ZNF750: variants seen among roughly 807,000 people sequenced by gnomAD.
ZNF750 encodes zinc finger protein 750, also known as protein ZNF750.
In ZNF750, 10 loss-of-function variants were observed where a neutral mutation model predicts 31.6. That is an observed-to-expected ratio of 0.32 (90% CI 0.19 to 0.54). ZNF750 has a LOEUF of 0.54. Ranked by LOEUF, ZNF750 falls within the 20% of genes least tolerant of loss-of-function variation. ZNF750 has a pLI of 0.95. For missense variants in ZNF750, 914 were observed against 934.9 expected (o/e 0.98, Z 0.29); for synonymous variants, 400 against 404.9 (o/e 0.99, Z 0.15).
At position 82,831,135 on chromosome 17, in the gene ZNF750, G is replaced by T. The variant is rs766092113; in HGVS notation, c.1320C>A (p.Ser440Arg). The change falls in exon 2 of 3, where the codon AGC becomes AGA. Residue 440 changes from serine to arginine, a missense_variant. Around this residue, in one of 2 missense-constraint regions of ZNF750, gnomAD observed 880 missense variants for 868.9 expected, o/e 1.01. Transcript: ENST00000269394. This position sits in a 1 kb window ranked among gnomAD's most constrained non-coding sequence, Gnocchi z 4.6. ...CTGGCGGGTAGAGTCTTCCCAGTGCGCTGGAGGCTGCCTTGTTGGAGAGGT... is the reference window on the plus strand; with the variant it reads ...CTGGCGGGTAGAGTCTTCCCAGTGCTCTGGAGGCTGCCTTGTTGGAGAGGT... ...LYDLSNKAAS[S>R]ALGRLYPPEQ... The T allele has an allele frequency of 3.1e-6, 5 of 1,614,024 alleles. No homozygotes were observed. The African/African-American group carries it at 6.7e-5, about 22-fold the overall frequency.
In ZNF750 at chr17:82,832,068, C is replaced by T; in HGVS notation, c.387G>A (p.Lys129=). The T allele has an allele frequency of 6.2e-7, 1 of 1,614,034 alleles. No homozygotes were observed. The highest frequency in any genetic ancestry group is 8.5e-7 in the Non-Finnish European group (1 of 1,179,912). The change falls in exon 2 of 3, where the codon AAG becomes AAA. Residue 129 remains lysine, a synonymous_variant. Transcript: ENST00000269394. This position sits in a 1 kb window ranked among gnomAD's most constrained non-coding sequence, Gnocchi z 4.9. The stretch of plus-strand genomic sequence containing the variant: ...AGGGTGATGCCCTGTGGAGGGCTGG[C>T]TTCTGTCCCAGGCACCTGTGGGTTC... The part of the protein sequence containing the change: ...ARGTHRCLGQ[K]PALHRASPCK...
rs997065246 is a variant in ZNF750, at chr17:82,835,635, G to A, written c.-182-2999C>T. ...AGATGGGGTTTCACTATGTTGGCCC[G>A]GCTGGTCTTGAACTCCTGACCTCAG... On this transcript the variant is annotated intron_variant, in intron 1 of 2. Coordinates refer to ENST00000269394, the MANE Select transcript of ZNF750 (RefSeq NM_024702.3). This position sits in a 1 kb window ranked among gnomAD's most constrained non-coding sequence, Gnocchi z 4.5. Among the ~76,000 whole-genome samples, 1 of 151,902 alleles carries A rather than the reference G, an allele frequency of 6.6e-6. No homozygotes were observed. The highest frequency in any genetic ancestry group is 1.5e-5 in the Non-Finnish European group (1 of 68,002).
chr17:82,831,180 C>T lies in ZNF750; in HGVS notation c.1275G>A (p.Gln425=), dbSNP rs2053476514. ...PSPTDFMQTS[Q]TCEGLYDLSN... The stretch of plus-strand genomic sequence containing the variant: ...AGAGGTCGTACAGGCCTTCGCAGGT[C>T]TGGCTCGTCTGCATGAAGTCGGTGG... The change falls in exon 2 of 3, where the codon CAG becomes CAA. Residue 425 remains glutamine (Q), a synonymous_variant. Coordinates refer to ENST00000269394, the MANE Select transcript of ZNF750 (RefSeq NM_024702.3). The surrounding 1 kb of genome is among the most constrained non-coding windows in gnomAD (Gnocchi z 4.6). 6.2e-7 allele frequency: 1 copy of T among 1,614,038 alleles called. No individual in the cohort carries two copies. Among genetic ancestry groups the T allele is most frequent in the African/African-American group, 1.3e-5 (1 of 74,934 alleles).
chr17:82,836,230 T>C (rs114826858), intron 1 of ZNF750, among the ~76,000 whole-genome samples: 4,404 of 152,344 alleles, frequency 0.029, 234 homozygotes, highest in African/African-American at 0.099. Flanking sequence ...AGCCAAACGC[T>C]GGGCCAGCCA....
rs1357507155 is a variant in ZNF750 at position 82,835,961 on chromosome 17, AC to A, written c.-182-3326del. ...ACAACCAGGGAGGGTGTCGGGTGAC[AC>A]CCTGGGCTCAGACCCCGCGCTCAGC... On this transcript the variant is annotated intron_variant, in intron 1 of 2. Coordinates refer to ENST00000269394, the MANE Select transcript of ZNF750 (RefSeq NM_024702.3). This position sits in a 1 kb window ranked among gnomAD's most constrained non-coding sequence, Gnocchi z 4.5. Among the ~76,000 whole-genome samples the A allele has an allele frequency of 6.6e-6, 1 of 152,100 alleles. No homozygotes were observed. Among genetic ancestry groups the A allele is most frequent in the Non-Finnish European group, 1.5e-5 (1 of 68,010 alleles).
In ZNF750 at chr17:82,832,308, A is replaced by G; in HGVS notation, c.147T>C (p.Cys49=). ...HLFNHMKYGL[C]KNSITLVSEQ... ...CTGATACTAAAGTAATCGAGTTTTT[A>G]CAAAGACCATACTTCATGTGATTAA... Residue 49 remains cysteine, a synonymous_variant, in exon 2 of 3, where the codon TGT becomes TGC. Transcript: ENST00000269394. The surrounding 1 kb of genome is among the most constrained non-coding windows in gnomAD (Gnocchi z 4.9). 2 of 1,614,250 alleles carry G rather than the reference A, an allele frequency of 1.2e-6. No homozygotes were observed. The highest frequency in any genetic ancestry group is 8.5e-7 in the Non-Finnish European group (1 of 1,180,050).
chr17:82,830,538 A>G lies in ZNF750; in HGVS notation c.1776T>C (p.Asp592=), dbSNP rs141258162. Residue 592 remains aspartate (D), a synonymous_variant, in exon 3 of 3, where the codon GAT becomes GAC. Transcript: ENST00000269394. ...PQKTGTEGSE[D]GPSHPETKPG... ...GCTTGGTCTCAGGGTGGCTGGGCCCATCCTCAGAACCTTCTGTCCCAGTCT... is the reference window on the plus strand; with the variant it reads ...GCTTGGTCTCAGGGTGGCTGGGCCCGTCCTCAGAACCTTCTGTCCCAGTCT... 1.7e-5 allele frequency: 27 copies of G among 1,613,972 alleles called. No homozygotes were observed. The highest frequency in any genetic ancestry group is 1.0e-4 in the Admixed American group (6 of 60,008).
chr17:82,834,676 A>G (rs1442084073), intron 1 of ZNF750, among the ~76,000 whole-genome samples: 1 of 147,010 alleles, frequency 6.8e-6, no homozygotes, highest in South Asian at 2.3e-4. Flanking sequence ...GTGAAAACAC[A>G]TGGACACAGG....
chr17:82,836,306 C>T (rs748803265), intron 1 of ZNF750, among the ~76,000 whole-genome samples: 2 of 152,248 alleles, frequency 1.3e-5, no homozygotes, highest in Non-Finnish European at 2.9e-5. Flanking sequence ...GCGTGAGAAC[C>T]TCTGCAAGTC....
rs75439915 is a variant in ZNF750 at position 82,837,087 on chromosome 17, A to G, written c.-183+2840T>C. Among the ~76,000 whole-genome samples the G allele has an allele frequency of 7.5e-3, 1,136 of 152,344 alleles. 10 individuals carry two copies. Among genetic ancestry groups the G allele is most frequent in the African/African-American group, 0.026 (1,085 of 41,578 alleles). The stretch of plus-strand genomic sequence containing the variant: ...AGGGAGCACAGCTGCTTCAGTTGTA[A>G]GCCGGGCGTAGGTCACCTGATCTGT... On this transcript the variant is annotated intron_variant, in intron 1 of 2. Transcript: ENST00000269394.
chr17:82,832,946 A>C lies in ZNF750; in HGVS notation c.-182-310T>G, dbSNP rs1024086297. 6.6e-6 allele frequency among the ~76,000 whole-genome samples: 1 copy of C among 152,050 alleles called. No homozygotes were observed. Among genetic ancestry groups the C allele is most frequent in the African/African-American group, 2.4e-5 (1 of 41,382 alleles). On this transcript the variant is annotated intron_variant, in intron 1 of 2. Coordinates refer to ENST00000269394, the MANE Select transcript of ZNF750 (RefSeq NM_024702.3). The surrounding 1 kb of genome is among the most constrained non-coding windows in gnomAD (Gnocchi z 4.9). ...TTCTGAGAATGCCTGTAAGCCTTTGAGTTTTGGGAACTTTCATCCTGTGAC... is the reference window on the plus strand; with the variant it reads ...TTCTGAGAATGCCTGTAAGCCTTTGCGTTTTGGGAACTTTCATCCTGTGAC...
intron 1 of ZNF750, chr17:82,838,889 C>G (rs2054216146): frequency 1.0e-6 from 1 of 985,314 alleles, no homozygotes; most frequent in Non-Finnish European, 1.2e-6. Context: ...AAACTCCGGT[C>G]AGAAATGCTG....
At chr17:82,839,537 A>G (rs890213796) in intron 1 of ZNF750, among the ~76,000 whole-genome samples, 2 of 152,174 alleles carry the variant, frequency 1.3e-5, no homozygotes, top group African/African-American at 4.8e-5. Flanking sequence ...ATAACCCTAA[A>G]TTCACCCTAA....
chr17:82,838,997 A>T, intron 1 of ZNF750: 1 of 984,092 alleles, frequency 1.0e-6, no homozygotes. Flanking sequence ...GTTTATGAGA[A>T]ATTTCATATA....
Position 82,830,618 on chromosome 17 carries a change from G to A in ZNF750, c.1696C>T (p.Pro566Ser). ...KDPCNTQAPR[P>S]AFPGRPRAAE... ...GCTCGTGGTCGACCGGGGAAGGCAG[G>A]CCTCGGAGCCTGGGTGTTACAGGGG... is the stretch of plus-strand genomic sequence containing the variant. Residue 566 changes from proline (P) to serine (S), a missense_variant, in exon 3 of 3, where the codon CCT (proline) becomes TCT (serine). Pro to Ser is a moderately conservative substitution (Grantham distance 74). Transcript: ENST00000269394. 1 of 1,614,020 alleles carries A rather than the reference G, an allele frequency of 6.2e-7. No homozygotes were observed.
At position 82,830,026 on chromosome 17, in the gene ZNF750, AAGC is replaced by A; in HGVS notation, c.*113_*115del. ...TTGTTTGTTTGTTTGTTTTTTTGAGAAGCAGCAGCTGCATTTGTAAAAATGTGA... is the reference window on the plus strand; with the variant it reads ...TTGTTTGTTTGTTTGTTTTTTTGAGAAGCAGCTGCATTTGTAAAAATGTGA... On this transcript the variant is annotated 3_prime_UTR_variant, in exon 3 of 3. Coordinates refer to ENST00000269394, the MANE Select transcript of ZNF750 (RefSeq NM_024702.3). 1 of 1,499,590 alleles carries A rather than the reference AAGC, an allele frequency of 6.7e-7. No individual in the cohort carries two copies. Among genetic ancestry groups the A allele is most frequent in the East Asian group, 2.3e-5 (1 of 43,698 alleles). 92.9% of individuals were successfully genotyped at this position (1,499,590 alleles called of 1,614,324 possible). A position where few individuals can be genotyped will look rare whatever the true frequency, so the allele number is the denominator to read the frequency against.
In ZNF750 at chr17:82,833,817, A is replaced by AGAG. The variant is rs1446996085; in HGVS notation, c.-182-1184_-182-1182dup. Among the ~76,000 whole-genome samples the AGAG allele has an allele frequency of 6.6e-5, 10 of 152,070 alleles. No homozygotes were observed. Among genetic ancestry groups the AGAG allele is most frequent in the African/African-American group, 2.2e-4 (9 of 41,344 alleles). Reference sequence around the variant, plus strand: ...ACCCACTCAGGTCCTGGGACCCACCAGAGGCTGTGTGTGTGATGTCAGAGC... The same window carrying AGAG: ...ACCCACTCAGGTCCTGGGACCCACCAGAGGAGGCTGTGTGTGTGATGTCAGAGC... On this transcript the variant is annotated intron_variant, in intron 1 of 2. Coordinates refer to ENST00000269394, the MANE Select transcript of ZNF750 (RefSeq NM_024702.3). The surrounding 1 kb of genome is among the most constrained non-coding windows in gnomAD (Gnocchi z 4.7).
chr17:82,832,426 T>C lies in ZNF750; in HGVS notation c.29A>G (p.Lys10Arg), dbSNP rs1158032058. ...AGGCCTGGGGATGTAATGTGGCTTT[T>C]TTGGCTTCCGCTCTTTGAGGAGACT... MSLLKERKP[K>R]KPHYIPRPPG... is the part of the protein sequence containing the mutation. The change falls in exon 2 of 3, where the codon AAA becomes AGA. Residue 10 changes from lysine (K) to arginine (R), a missense_variant. Physicochemically the swap from Lys to Arg is conservative, Grantham distance 26. Coordinates refer to ENST00000269394, the MANE Select transcript of ZNF750 (RefSeq NM_024702.3). The surrounding 1 kb of genome is among the most constrained non-coding windows in gnomAD (Gnocchi z 4.9). 1.2e-6 allele frequency: 2 copies of C among 1,613,558 alleles called. No individual in the cohort carries two copies. The highest frequency in any genetic ancestry group is 1.7e-5 in the Admixed American group (1 of 60,028).
At position 82,832,836 on chromosome 17, in the gene ZNF750, G is replaced by A. The variant is rs1236330218; in HGVS notation, c.-182-200C>T. On this transcript the variant is annotated intron_variant, in intron 1 of 2. Transcript: ENST00000269394. The surrounding 1 kb of genome is among the most constrained non-coding windows in gnomAD (Gnocchi z 4.9). ...GTAACCTGGCTGCTGACTCCCCACC[G>A]TGTTTTCTGTTTTCTGAGTCTGATC... Among the ~76,000 whole-genome samples, 2 of 152,212 alleles carry A rather than the reference G, an allele frequency of 1.3e-5. No homozygotes were observed. The highest frequency in any genetic ancestry group is 4.8e-5 in the African/African-American group (2 of 41,460).
Sources: gnomAD v4.1 joint callset for allele counts (sites outside exome capture counted in the v4.1 genomes callset) on GRCh38, gnomAD v4.1.1 for gene constraint, gnomAD v4.1.1 regional missense constraint, Gnocchi (gnomAD v3.1) non-coding constraint, MANE v1.5 for transcripts, NCBI Gene and HGNC (gene_info 2026-07-23, HGNC 2026-07-21) for gene names.